Variants in PRAG1 observed in about 807,000 individuals in gnomAD.
The protein encoded by PRAG1 is PEAK1 related, kinase-activating pseudokinase 1.
A neutral mutation model predicts 95.6 loss-of-function variants in PRAG1; 110 were observed. The observed-to-expected ratio is 1.15, with a 90% CI of 0.99 to 1.35. PRAG1 has a LOEUF of 1.35. Among genes scored for constraint, PRAG1 ranks in the 40% most tolerant of loss-of-function variants. PRAG1 has a pLI of 0.00. For synonymous variants in PRAG1, 1,052 were observed against 819.4 expected, an observed-to-expected ratio of 1.28 and a Z score of -4.85; for missense variants, 2,554 against 1,864.7, an observed-to-expected ratio of 1.37 and a Z score of -6.81.
At chr8:8,327,186 C>A (rs987632656) in intron 5 of PRAG1, among the ~76,000 whole-genome samples, 6 of 152,186 alleles carry the variant, frequency 3.9e-5, no homozygotes, top group Admixed American at 1.3e-4. Flanking sequence ...AGCTAAAGCA[C>A]AGAATGTGTC....
intron 3 of PRAG1, among the ~76,000 whole-genome samples, chr8:8,349,984 G>GCACA (rs139453472): frequency 2.1e-5 from 3 of 145,372 alleles, no homozygotes; most frequent in Admixed American, 6.9e-5. Context: ...ACACATACAT[G>GCACA]CACACACACA....
rs3892998 is a variant in PRAG1 at position 8,378,095 on chromosome 8, C to G, written c.331-17G>C. 1 of 1,511,452 alleles carries G rather than the reference C, an allele frequency of 6.6e-7. No individual in the cohort carries two copies. The highest frequency in any genetic ancestry group is 1.3e-5 in the South Asian group (1 of 74,974). 93.6% of individuals were successfully genotyped at this position (1,511,452 alleles called of 1,614,324 possible). ...CCAGATGACCTACACACAAGCCCAACGCAAAAAGACTTATATTAGAACTTG... is the reference window on the plus strand; with the variant it reads ...CCAGATGACCTACACACAAGCCCAAGGCAAAAAGACTTATATTAGAACTTG... On this transcript the variant is annotated splice_polypyrimidine_tract_variant and intron_variant, in intron 2 of 5. Transcript: ENST00000615670.
At chr8:8,379,709 A>G (rs1346455981) in intron 2 of PRAG1, among the ~76,000 whole-genome samples, 1 of 152,240 alleles carries the variant, frequency 6.6e-6, no homozygotes, top group Non-Finnish European at 1.5e-5. Context: ...AGTTCCTAGG[A>G]TATGTCTTAG....
chr8:8,327,681 G>T, intron 5 of PRAG1, 29 bp downstream of exon 5: 1 of 1,584,594 alleles, frequency 6.3e-7, no homozygotes, highest in Non-Finnish European at 8.6e-7. Flanking sequence ...CAGTGGCACA[G>T]CAGAATGCAA....
intron 4 of PRAG1, among the ~76,000 whole-genome samples, chr8:8,334,611 G>A (rs1323888458): frequency 4.0e-5 from 6 of 150,794 alleles, no homozygotes; most frequent in African/African-American, 1.5e-4. Flanking sequence ...AGATGTGAAT[G>A]TGATTTACAT....
intron 3 of PRAG1, chr8:8,374,773 G>T: frequency 1.1e-6 from 1 of 913,790 alleles, no homozygotes; most frequent in Non-Finnish European, 1.3e-6. Flanking sequence ...CCAGAACAAA[G>T]TAGTGGTCAT....
At chr8:8,324,416 C>A (rs534233501) in intron 5 of PRAG1, among the ~76,000 whole-genome samples, 3 of 152,232 alleles carry the variant, frequency 2.0e-5, no homozygotes, top group Non-Finnish European at 4.4e-5. Flanking sequence ...CCCGCAGCTT[C>A]CTCAAAGGCC....
At position 8,319,250 on chromosome 8, in the gene PRAG1, G is replaced by A. The variant is rs755219693; in HGVS notation, c.3125C>T (p.Pro1042Leu). 3.2e-6 allele frequency: 5 copies of A among 1,541,804 alleles called. No homozygotes were observed. The South Asian group carries it at 6.2e-5, about 19-fold the overall frequency. ...GTCCTGCTGGATGTTAAAGTGCACG[G>A]GCACGGACGGGCTGCAGTAGGAGAC... ...KTVSYCSPSV[P>L]VHFNIQQDCG... The change falls in exon 6 of 6, where the codon CCC (proline) becomes CTC (leucine). Residue 1042 changes from proline to leucine, a missense_variant. Transcript: ENST00000615670.
intron 1 of PRAG1, 84 bp from the exon 2 acceptor site, chr8:8,381,918 T>A (rs538253549): frequency 3.5e-6 from 2 of 568,198 alleles, no homozygotes; most frequent in Non-Finnish European, 6.1e-6. Context: ...CACTATTTGA[T>A]CAGGGAGAAG....
intron 3 of PRAG1, among the ~76,000 whole-genome samples, chr8:8,345,585 G>A (rs530091380): frequency 5.9e-4 from 90 of 152,124 alleles, no homozygotes; most frequent in Non-Finnish European, 3.1e-4. Context: ...GAGGCCAGGA[G>A]TTCGAGACCA....
chr8:8,333,459 T>C lies in PRAG1; in HGVS notation c.2321-4998A>G, dbSNP rs568143672. Among the ~76,000 whole-genome samples, 5 of 152,308 alleles carry C rather than the reference T, an allele frequency of 3.3e-5. No homozygotes were observed. The South Asian group carries it at 1.0e-3, about 32-fold the overall frequency. On this transcript the variant is annotated intron_variant, in intron 4 of 5. Coordinates refer to ENST00000615670, the MANE Select transcript of PRAG1 (RefSeq NM_001080826.3). Reference sequence around the variant, plus strand: ...TTAAAAAGACCAAGGGAAGGTGCACTAGTTTGGTGTCATTATATTTAGAAA... The same window carrying C: ...TTAAAAAGACCAAGGGAAGGTGCACCAGTTTGGTGTCATTATATTTAGAAA...
In PRAG1 at chr8:8,377,645, G is replaced by T; in HGVS notation, c.764C>A (p.Ser255Tyr). ...SGDSEGGEYC[S>Y]ILDCCPGSPV... ...GCTCCCAGGGCAGCAGTCCAGGATG[G>T]AGCAGTACTCTCCACCCTCGCTGTC... Residue 255 changes from serine to tyrosine, a missense_variant, in exon 3 of 6, where the codon TCC (serine) becomes TAC (tyrosine). Coordinates refer to ENST00000615670, the MANE Select transcript of PRAG1 (RefSeq NM_001080826.3). 6.2e-7 allele frequency: 1 copy of T among 1,613,638 alleles called. No individual in the cohort carries two copies. The highest frequency in any genetic ancestry group is 8.5e-7 in the Non-Finnish European group (1 of 1,180,000).
intron 2 of PRAG1, 95 bp downstream of exon 2, chr8:8,381,323 T>C (rs1800635408): frequency 3.1e-6 from 4 of 1,279,984 alleles, no homozygotes; most frequent in East Asian, 2.4e-5. Flanking sequence ...TGCAGGTTTC[T>C]TGCTGGAACA....
intron 3 of PRAG1, among the ~76,000 whole-genome samples, chr8:8,367,190 T>C (rs944772902): frequency 6.6e-6 from 1 of 151,956 alleles, no homozygotes; most frequent in Non-Finnish European, 1.5e-5. Context: ...AGTCATAAAA[T>C]CTTACCATCC....
intron 3 of PRAG1, among the ~76,000 whole-genome samples, chr8:8,344,424 G>GAT (rs1453417101): frequency 2.0e-5 from 3 of 152,234 alleles, no homozygotes; most frequent in African/African-American, 7.2e-5. Context: ...AACATATAAG[G>GAT]ATATATACAT....
intron 3 of PRAG1, among the ~76,000 whole-genome samples, chr8:8,373,145 G>C (rs1458031085): frequency 6.6e-6 from 1 of 152,104 alleles, no homozygotes. Flanking sequence ...TACTGGAATT[G>C]GTGCCGGATC....
chr8:8,368,807 A>G (rs1800096781), intron 3 of PRAG1, among the ~76,000 whole-genome samples: 1 of 151,218 alleles, frequency 6.6e-6, no homozygotes, highest in South Asian at 2.1e-4. Context: ...GCAAAACCAC[A>G]CCTTAGAATT....
intron 5 of PRAG1, among the ~76,000 whole-genome samples, chr8:8,323,625 C>A (rs1798539184): frequency 2.0e-5 from 3 of 152,126 alleles, no homozygotes; most frequent in Admixed American, 2.0e-4. Context: ...CACCTGGCTG[C>A]TTTTGCCCCT....
At chr8:8,364,935 T>A (rs1799954214) in intron 3 of PRAG1, among the ~76,000 whole-genome samples, 2 of 152,158 alleles carry the variant, frequency 1.3e-5, no homozygotes, top group South Asian at 4.1e-4. Context: ...GGATCAAGGG[T>A]CTGGAAATTG....
Sources: allele counts gnomAD v4.1 joint callset (sites outside exome capture counted in the v4.1 genomes callset), GRCh38; gene constraint gnomAD v4.1.1; transcripts MANE v1.5; gene names NCBI Gene and HGNC (gene_info 2026-07-23, HGNC 2026-07-21).